The following MAOB variants were observed in gnomAD, a reference collection of about 807,000 sequenced individuals.
The protein encoded by MAOB is monoamine oxidase B.
In MAOB, 15 loss-of-function variants were observed where a neutral mutation model predicts 41.9. The observed-to-expected ratio is 0.36, with a 90% CI of 0.24 to 0.55. MAOB has a LOEUF of 0.55. MAOB is among the 20% of genes least tolerant of loss of function. MAOB has a pLI of 0.86. For missense variants in MAOB, 345 were observed against 398.7 expected, an observed-to-expected ratio of 0.87 and a Z score of 1.15; for synonymous variants, 167 against 144.2, an observed-to-expected ratio of 1.16 and a Z score of -1.13.
At chrX:43,831,520 G>T (rs992205027) in intron 3 of MAOB, among the ~76,000 whole-genome samples, 8 of 110,602 alleles carry the variant, frequency 7.2e-5, no homozygotes, top group Non-Finnish European at 1.5e-4. Flanking sequence ...TGGATGGATG[G>T]TTGCTATGGA....
chrX:43,772,010 C>T (rs756223892), intron 12 of MAOB, among the ~76,000 whole-genome samples: 409 of 111,580 alleles, frequency 3.7e-3, no homozygotes, highest in Non-Finnish European at 6.1e-3. Flanking sequence ...ATTTTTTTCA[C>T]CCTATCCAGA....
intron 12 of MAOB, among the ~76,000 whole-genome samples, chrX:43,773,130 C>G (rs1447332141): frequency 1.8e-5 from 2 of 112,349 alleles, no homozygotes; most frequent in African/African-American, 6.5e-5. Flanking sequence ...TTTCCTCATG[C>G]CATTCCATCT....
chrX:43,798,118 A>G (rs2034550094), intron 5 of MAOB, among the ~76,000 whole-genome samples: 1 of 111,952 alleles, frequency 8.9e-6, no homozygotes, highest in Non-Finnish European at 1.9e-5. Context: ...ACTGTATAGT[A>G]TCTTTATAAC....
chrX:43,860,151 T>C (rs989767764), intron 1 of MAOB, among the ~76,000 whole-genome samples: 2 of 111,810 alleles, frequency 1.8e-5, no homozygotes, highest in African/African-American at 3.3e-5. Flanking sequence ...GCTGGATTCT[T>C]CTCTTCCCAA....
At chrX:43,829,533 A>G (rs1037943272) in intron 3 of MAOB, among the ~76,000 whole-genome samples, 4 of 112,147 alleles carry the variant, frequency 3.6e-5, no homozygotes, top group African/African-American at 9.7e-5. Context: ...GTCAACCTCA[A>G]TTACTTCCAG....
chrX:43,794,467 A>G (rs1569214517), intron 7 of MAOB, among the ~76,000 whole-genome samples: 1 of 109,841 alleles, frequency 9.1e-6, no homozygotes, highest in East Asian at 2.9e-4. Flanking sequence ...TATTATAACT[A>G]TATGTTTCAT....
chrX:43,868,986 G>A (rs773600334), intron 1 of MAOB, among the ~76,000 whole-genome samples: 7 of 111,278 alleles, frequency 6.3e-5, no homozygotes, highest in African/African-American at 2.3e-4. Flanking sequence ...GACAGACGGG[G>A]ATAGAATGGC....
At chrX:43,780,732 C>G (rs17310637) in intron 9 of MAOB, among the ~76,000 whole-genome samples, 2,341 of 111,689 alleles carry the variant, frequency 0.021, 66 homozygotes, top group South Asian at 0.18. Flanking sequence ...AAGGCTATGT[C>G]TGAGCTCTTC....
At chrX:43,877,579 TTAAA>T (rs2147184304) in intron 1 of MAOB, among the ~76,000 whole-genome samples, 1 of 112,152 alleles carries the variant, frequency 8.9e-6, no homozygotes, top group East Asian at 2.8e-4. Flanking sequence ...AATAATATTA[TTAAA>T]TAAATAATAT....
At chrX:43,867,982 A>G (rs1416792196) in intron 1 of MAOB, among the ~76,000 whole-genome samples, 1 of 112,054 alleles carries the variant, frequency 8.9e-6, no homozygotes, top group Non-Finnish European at 1.9e-5. Flanking sequence ...TTTTTCCCTA[A>G]GAAAAAGTAT....
intron 1 of MAOB, chrX:43,850,525 G>GA (rs1270586190): frequency 1.9e-5 from 14 of 723,226 alleles, no homozygotes; most frequent in Admixed American, 8.9e-5. Flanking sequence ...CAATTTTGGG[G>GA]AAAATCTAAA....
intron 1 of MAOB, among the ~76,000 whole-genome samples, chrX:43,872,333 C>T (rs918204938): frequency 3.6e-5 from 4 of 111,770 alleles, no homozygotes; most frequent in South Asian, 3.7e-4. Context: ...CATTAAATTA[C>T]GACTACAAAC....
chrX:43,840,877 C>G (rs1316099088), intron 2 of MAOB, among the ~76,000 whole-genome samples: 1 of 107,532 alleles, frequency 9.3e-6, no homozygotes, highest in African/African-American at 3.4e-5. Context: ...GGGCAGACAC[C>G]GAGCTAGCTG....
At chrX:43,832,121 A>G (rs2035025879) in intron 3 of MAOB, among the ~76,000 whole-genome samples, 1 of 111,611 alleles carries the variant, frequency 9.0e-6, no homozygotes, top group South Asian at 3.7e-4. Context: ...AAAATTTCCA[A>G]TTGTGTGTGC....
chrX:43,865,697 C>T (rs1026639912), intron 1 of MAOB, among the ~76,000 whole-genome samples: 2 of 110,045 alleles, frequency 1.8e-5, no homozygotes, highest in African/African-American at 3.3e-5. Flanking sequence ...CAGGTATTGT[C>T]GATGTTATAC....
At chrX:43,775,441 T>C (rs185259307) in intron 11 of MAOB, among the ~76,000 whole-genome samples, 169 bp from the exon 12 acceptor site, 3 of 112,100 alleles carry the variant, frequency 2.7e-5, no homozygotes, top group African/African-American at 9.7e-5. Flanking sequence ...GTAAATGTCC[T>C]TGGTAATAAG....
intron 3 of MAOB, among the ~76,000 whole-genome samples, chrX:43,807,792 T>C (rs1313561521): frequency 8.9e-6 from 1 of 112,386 alleles, no homozygotes; most frequent in African/African-American, 3.2e-5. Flanking sequence ...GCCTAGGACG[T>C]GCTGGCAGAG....
chrX:43,833,768 A>C (rs2035043293), intron 3 of MAOB, among the ~76,000 whole-genome samples: 1 of 112,175 alleles, frequency 8.9e-6, no homozygotes, highest in Non-Finnish European at 1.9e-5. Context: ...ATGCATAGAA[A>C]ATATGTTTAC....
At chrX:43,882,185 C>A in intron 1 of MAOB, 69 bp downstream of exon 1, 3 of 1,185,128 alleles carry the variant, frequency 2.5e-6, no homozygotes, top group South Asian at 1.9e-5. Flanking sequence ...GGCCGCCCCC[C>A]GCGTCTCCCC....
Sources: gnomAD v4.1 joint callset for allele counts (sites outside exome capture counted in the v4.1 genomes callset) on GRCh38, gnomAD v4.1.1 for gene constraint, MANE v1.5 for transcripts, NCBI Gene and HGNC (gene_info 2026-07-23, HGNC 2026-07-21) for gene names.